The following RANBP2 variants were observed in gnomAD, a reference collection of about 807,000 sequenced individuals.
RANBP2 encodes the protein E3 SUMO-protein ligase RanBP2.
In RANBP2, 57 loss-of-function variants were observed where a neutral mutation model predicts 303.6. That is an observed-to-expected ratio of 0.19 (90% CI 0.15 to 0.23). The LOEUF (loss-of-function observed/expected upper bound fraction) is 0.23. Among genes scored for constraint, RANBP2 ranks in the 10% least tolerant of loss-of-function variants. The probability of loss-of-function intolerance (pLI) is 1.00; values close to 1 mark genes in which losing one functional copy is unlikely to be tolerated. For synonymous variants in RANBP2, 1,167 were observed against 1,301.5 expected (o/e 0.90, Z 2.23); for missense variants, 3,138 against 3,780.8 (o/e 0.83, Z 4.46).
At chr2:109,321,509 G>A in the RANBP2 span, among the ~76,000 whole-genome samples, 1 of 152,218 alleles carries the variant, frequency 6.6e-6, no homozygotes, top group African/African-American at 2.4e-5. Context: ...GAAGATAAAT[G>A]TTGTGGTTGA....
At chr2:108,985,025 T>C in the RANBP2 span, among the ~76,000 whole-genome samples, 1 of 152,224 alleles carries the variant, frequency 6.6e-6, no homozygotes, top group African/African-American at 2.4e-5. Context: ...TGCCCTCTCA[T>C]TTTTTGCTTG....
chr2:109,214,859 C>T, the RANBP2 span, among the ~76,000 whole-genome samples: 1 of 152,128 alleles, frequency 6.6e-6, no homozygotes, highest in South Asian at 2.1e-4. Context: ...GGGGGTGACG[C>T]GGACAGCAGT....
At chr2:109,518,531 G>A in the RANBP2 span, among the ~76,000 whole-genome samples, 18 of 152,144 alleles carry the variant, frequency 1.2e-4, no homozygotes, top group Admixed American at 6.5e-5. Context: ...CTCCAACAGG[G>A]GGCATCTGCT....
At chr2:109,250,341 C>T in the RANBP2 span, among the ~76,000 whole-genome samples, 11 of 152,100 alleles carry the variant, frequency 7.2e-5, no homozygotes, top group Non-Finnish European at 1.5e-4. Flanking sequence ...CATGCACAAG[C>T]TAACAGTCTC....
chr2:109,072,947 G>A, the RANBP2 span, among the ~76,000 whole-genome samples: 2 of 152,144 alleles, frequency 1.3e-5, no homozygotes, highest in Non-Finnish European at 2.9e-5. Context: ...TGACTGGGCT[G>A]TGAGGAGGCT....
the RANBP2 span, among the ~76,000 whole-genome samples, chr2:109,302,670 G>A: frequency 2.7e-4 from 41 of 152,314 alleles, 1 homozygote; most frequent in East Asian, 7.9e-3. Flanking sequence ...GTGACCTCTG[G>A]AGTTTTCCAC....
the RANBP2 span, among the ~76,000 whole-genome samples, chr2:109,389,837 C>A: frequency 6.6e-6 from 1 of 152,002 alleles, no homozygotes; most frequent in African/African-American, 2.4e-5. Flanking sequence ...GGTGCACTGT[C>A]AGAGAACAGG....
chr2:108,816,004 C>T, the RANBP2 span: 1 of 1,613,542 alleles, frequency 6.2e-7, no homozygotes, highest in Non-Finnish European at 8.5e-7. Flanking sequence ...TTCGGATCAT[C>T]ATCTTAGCAA....
At chr2:109,075,292 T>C in the RANBP2 span, among the ~76,000 whole-genome samples, 1 of 150,256 alleles carries the variant, frequency 6.7e-6, no homozygotes, top group East Asian at 1.9e-4. Context: ...TGGCACAATC[T>C]CGGCTCACTG....
At chr2:109,603,406 T>C in the RANBP2 span, among the ~76,000 whole-genome samples, 3 of 151,970 alleles carry the variant, frequency 2.0e-5, no homozygotes, top group Non-Finnish European at 4.4e-5. Context: ...GGCTAATTTT[T>C]TTCTGTGTAT....
the RANBP2 span, among the ~76,000 whole-genome samples, chr2:109,411,603 T>C: frequency 6.6e-6 from 1 of 152,082 alleles, no homozygotes; most frequent in Non-Finnish European, 1.5e-5. Flanking sequence ...ACTCATTTCT[T>C]TGTACTTTTA....
chr2:108,773,727 A>G (rs992866310), intron 23 of RANBP2, among the ~76,000 whole-genome samples: 19 of 151,076 alleles, frequency 1.3e-4, no homozygotes, highest in African/African-American at 3.9e-4. Context: ...GCTCGCTGCA[A>G]CCTCTGCCTC....
the RANBP2 span, among the ~76,000 whole-genome samples, chr2:109,322,145 G>A: frequency 2.6e-5 from 4 of 152,138 alleles, no homozygotes; most frequent in Non-Finnish European, 5.9e-5. Context: ...GTAAGGGGGA[G>A]GAAGAGAGAG....
chr2:109,346,995 C>T, the RANBP2 span, among the ~76,000 whole-genome samples: 1 of 152,178 alleles, frequency 6.6e-6, no homozygotes, highest in South Asian at 2.1e-4. Flanking sequence ...CTGTGCTCCA[C>T]ACAGGCTGTT....
the RANBP2 span, among the ~76,000 whole-genome samples, chr2:109,135,479 G>A: frequency 6.6e-6 from 1 of 152,182 alleles, no homozygotes; most frequent in East Asian, 1.9e-4. Flanking sequence ...ATAGGATAAC[G>A]TATGTGCAGT....
At chr2:109,500,794 A>T in the RANBP2 span, among the ~76,000 whole-genome samples, 2 of 152,180 alleles carry the variant, frequency 1.3e-5, no homozygotes, top group East Asian at 1.9e-4. Context: ...ACAAAAAAAA[A>T]TTAGAAATTG....
chr2:109,145,196 G>GA, the RANBP2 span, among the ~76,000 whole-genome samples: 1 of 152,194 alleles, frequency 6.6e-6, no homozygotes, highest in African/African-American at 2.4e-5. Context: ...CTGCTTCTGA[G>GA]ACAGAGCCGT....
At chr2:109,586,970 CTACTA>C in the RANBP2 span, among the ~76,000 whole-genome samples, 1 of 152,008 alleles carries the variant, frequency 6.6e-6, no homozygotes, top group African/African-American at 2.4e-5. Context: ...TCTACAGTAT[CTACTA>C]TACAATAAAA....
At chr2:109,736,904 C>T in the RANBP2 span, among the ~76,000 whole-genome samples, 139 of 152,134 alleles carry the variant, frequency 9.1e-4, no homozygotes, top group Non-Finnish European at 1.8e-3. Flanking sequence ...CTGTCAGTTC[C>T]GTCAAGTCAC....
Sources: gnomAD v4.1 joint callset for allele counts (sites outside exome capture counted in the v4.1 genomes callset) on GRCh38, gnomAD v4.1.1 for gene constraint, MANE v1.5 for transcripts, NCBI Gene and HGNC (gene_info 2026-07-23, HGNC 2026-07-21) for gene names.